Variants in RRP1B observed in about 807,000 individuals in gnomAD.
The protein encoded by RRP1B is ribosomal RNA processing protein 1 homolog B.
A neutral mutation model predicts 80.2 loss-of-function variants in RRP1B; 56 were observed. The ratio of observed to expected loss-of-function variants is 0.70; its 90% CI spans 0.56 to 0.87. The LOEUF (loss-of-function observed/expected upper bound fraction) is 0.87, where lower values mean the gene tolerates loss of function less well. Among genes scored for constraint, RRP1B ranks in the 40% least tolerant of loss-of-function variants. The pLI, the probability that RRP1B is intolerant of heterozygous loss-of-function variation, is 0.00. For missense variants in RRP1B, 807 were observed against 939.8 expected (o/e 0.86, Z 1.85); for synonymous variants, 351 against 357.6 (o/e 0.98, Z 0.21).
chr21:43,669,057 C>G (rs902486425), intron 1 of RRP1B, among the ~76,000 whole-genome samples: 1 of 151,980 alleles, frequency 6.6e-6, no homozygotes, highest in African/African-American at 2.4e-5. Flanking sequence ...CAAAGCCAAC[C>G]CTGGTGATGC....
chr21:43,681,930 A>G (rs923219237), intron 8 of RRP1B, among the ~76,000 whole-genome samples: 4 of 152,164 alleles, frequency 2.6e-5, no homozygotes, highest in African/African-American at 9.7e-5. Flanking sequence ...CGTCCTGGGC[A>G]ACAGAGCTAC....
Position 43,659,626 on chromosome 21 carries a change from A to G in RRP1B, c.-39A>G. The stretch of plus-strand genomic sequence containing the variant: ...GCAGCGCTCGGCTGGCTGCAGCGGC[A>G]CCGCGGGTTGCGCGGCCGGGGATGC... On this transcript the variant is annotated 5_prime_UTR_variant, in exon 1 of 16. Coordinates refer to ENST00000340648, the MANE Select transcript of RRP1B (RefSeq NM_015056.3). This position sits in a 1 kb window ranked among gnomAD's most constrained non-coding sequence, Gnocchi z 4.2. 7.0e-7 allele frequency: 1 copy of G among 1,437,268 alleles called. No homozygotes were observed. Among genetic ancestry groups the G allele is most frequent in the Non-Finnish European group, 9.1e-7 (1 of 1,093,784 alleles). 89.0% of individuals were successfully genotyped at this position (1,437,268 alleles called of 1,614,324 possible).
chr21:43,672,835 G>A (rs2083005271), intron 3 of RRP1B, among the ~76,000 whole-genome samples: 1 of 152,178 alleles, frequency 6.6e-6, no homozygotes, highest in Non-Finnish European at 1.5e-5. Context: ...AAAGGTAGCC[G>A]ACTTCGTTTG....
At chr21:43,660,940 A>G (rs567391057) in intron 1 of RRP1B, among the ~76,000 whole-genome samples, 1 of 152,370 alleles carries the variant, frequency 6.6e-6, no homozygotes, top group South Asian at 2.1e-4. Context: ...TATGAACTAC[A>G]ATGTGTAATA....
At position 43,676,781 on chromosome 21, in the gene RRP1B, A is replaced by G. The variant is rs756378701; in HGVS notation, c.663A>G (p.Val221=). The change falls in exon 8 of 16, where the codon GTA becomes GTG. Residue 221 remains valine (V), a synonymous_variant. Coordinates refer to ENST00000340648, the MANE Select transcript of RRP1B (RefSeq NM_015056.3). ...TIARGVFEAI[V]DQSPFVPEET... ...CTCGGGGTGTCTTCGAAGCTATCGTAGATCAGTCTCCTTTTGTGCCTGAAG... is the reference window on the plus strand; with the variant it reads ...CTCGGGGTGTCTTCGAAGCTATCGTGGATCAGTCTCCTTTTGTGCCTGAAG... 1 of 1,614,272 alleles carries G rather than the reference A, an allele frequency of 6.2e-7. No homozygotes were observed. The highest frequency in any genetic ancestry group is 8.5e-7 in the Non-Finnish European group (1 of 1,180,056).
intron 1 of RRP1B, among the ~76,000 whole-genome samples, chr21:43,666,035 A>G (rs1035597221): frequency 1.3e-5 from 2 of 152,094 alleles, no homozygotes; most frequent in African/African-American, 4.8e-5. Flanking sequence ...GGGCAGCTAC[A>G]TTGGGATTTC....
chr21:43,662,431 T>C (rs1373261442), intron 1 of RRP1B, among the ~76,000 whole-genome samples: 1 of 152,230 alleles, frequency 6.6e-6, no homozygotes, highest in Non-Finnish European at 1.5e-5. Context: ...CCACCACAGC[T>C]ATGCCCCATC....
At chr21:43,676,147 C>T in intron 6 of RRP1B, 125 bp from the exon 7 acceptor site, 1 of 672,754 alleles carries the variant, frequency 1.5e-6, no homozygotes, top group Non-Finnish European at 2.5e-6. Context: ...CGCTTTGGGG[C>T]TGTGTGAGAC....
Position 43,667,714 on chromosome 21 carries a change from C to T in RRP1B, c.131-2170C>T, listed in dbSNP as rs541543587. Among the ~76,000 whole-genome samples, 28 of 152,280 alleles carry T rather than the reference C, an allele frequency of 1.8e-4. No homozygotes were observed. The South Asian group carries it at 5.4e-3, about 29-fold the overall frequency. On this transcript the variant is annotated intron_variant, in intron 1 of 15. Transcript: ENST00000340648. ...ACTGCAATCATGACCGCAGTTGGCTCAGCTCTAGTGGGGTTTATTACTCAT... is the reference window on the plus strand; with the variant it reads ...ACTGCAATCATGACCGCAGTTGGCTTAGCTCTAGTGGGGTTTATTACTCAT...
At chr21:43,666,735 T>C (rs937288125) in intron 1 of RRP1B, among the ~76,000 whole-genome samples, 2 of 142,592 alleles carry the variant, frequency 1.4e-5, no homozygotes, top group African/African-American at 2.6e-5. Flanking sequence ...AAAAAAAAAA[T>C]CCTTAATAGC....
Position 43,659,603 on chromosome 21 carries a change from A to T in RRP1B, c.-62A>T. On this transcript the variant is annotated 5_prime_UTR_variant, in exon 1 of 16. Coordinates refer to ENST00000340648, the MANE Select transcript of RRP1B (RefSeq NM_015056.3). This position sits in a 1 kb window ranked among gnomAD's most constrained non-coding sequence, Gnocchi z 4.2. ...GGCGGACGGTGGCTGGCTGCTCCGCAGCGCTCGGCTGGCTGCAGCGGCACC... is the reference window on the plus strand; with the variant it reads ...GGCGGACGGTGGCTGGCTGCTCCGCTGCGCTCGGCTGGCTGCAGCGGCACC... 1 of 1,345,450 alleles carries T rather than the reference A, an allele frequency of 7.4e-7. No homozygotes were observed. The highest frequency in any genetic ancestry group is 9.5e-7 in the Non-Finnish European group (1 of 1,049,916). 83.3% of individuals were successfully genotyped at this position (1,345,450 alleles called of 1,614,324 possible). A position where few individuals can be genotyped will look rare whatever the true frequency, so the allele number is the denominator to read the frequency against.
At chr21:43,687,387 G>A (rs1159789145) in intron 12 of RRP1B, 129 bp from the exon 13 acceptor site, 2 of 1,100,702 alleles carry the variant, frequency 1.8e-6, no homozygotes, top group East Asian at 4.9e-5. Flanking sequence ...TACCTCAAGG[G>A]AGACAGGAAC....
chr21:43,681,110 G>A (rs367796055), intron 8 of RRP1B, among the ~76,000 whole-genome samples: 23 of 151,908 alleles, frequency 1.5e-4, no homozygotes, highest in African/African-American at 5.6e-4. Flanking sequence ...GTATGGTGGC[G>A]GTCGCCTATA....
At chr21:43,666,565 A>G (rs964907339) in intron 1 of RRP1B, among the ~76,000 whole-genome samples, 2 of 152,056 alleles carry the variant, frequency 1.3e-5, no homozygotes, top group Admixed American at 1.3e-4. Flanking sequence ...AAAAACTACA[A>G]AACTTAGCTG....
At chr21:43,676,943 T>C (rs1203416733) in intron 8 of RRP1B, 29 bp downstream of exon 8, 3 of 1,600,822 alleles carry the variant, frequency 1.9e-6, no homozygotes, top group Non-Finnish European at 2.6e-6. Context: ...TCAGTGTAGC[T>C]TTCTTTCTGC....
At chr21:43,683,904 G>A (rs189098502) in intron 9 of RRP1B, among the ~76,000 whole-genome samples, 143 of 150,174 alleles carry the variant, frequency 9.5e-4, no homozygotes, top group African/African-American at 2.0e-3. Context: ...ATTTGAACCC[G>A]GGAGGTGGAG....
rs552169669 is a variant in RRP1B, at chr21:43,670,471, T to A, written c.213+505T>A. Among the ~76,000 whole-genome samples the A allele has an allele frequency of 2.6e-5, 4 of 152,372 alleles. No individual in the cohort carries two copies. In the East Asian group the frequency reaches 7.7e-4, roughly 29 times the overall value. The stretch of plus-strand genomic sequence containing the variant: ...AGGCTCGGTCTCTCTGTGCGGGGCC[T>A]GCTGAGCCCGCTAAGCCCACCACCA... On this transcript the variant is annotated intron_variant, in intron 2 of 15. Transcript: ENST00000340648.
intron 3 of RRP1B, among the ~76,000 whole-genome samples, chr21:43,673,516 C>T (rs1056145798): frequency 5.3e-5 from 8 of 151,726 alleles, no homozygotes; most frequent in Admixed American, 5.3e-4. Context: ...CACCTGTAAT[C>T]CCAGCTACTC....
chr21:43,690,576 C>T lies in RRP1B; in HGVS notation c.2019+136C>T, dbSNP rs1191899178. On this transcript the variant is annotated intron_variant, in intron 14 of 15. Transcript: ENST00000340648. ...GCCTGTCCACAGTGGACAGGTTCCACGGCCAGGGTAGCATAAGGTCTGAGT... is the reference window on the plus strand; with the variant it reads ...GCCTGTCCACAGTGGACAGGTTCCATGGCCAGGGTAGCATAAGGTCTGAGT... 12 of 947,726 alleles carry T rather than the reference C, an allele frequency of 1.3e-5. No homozygotes were observed. In the Admixed American group the frequency reaches 1.6e-4, roughly 13 times the overall value. 58.7% of individuals were successfully genotyped at this position (947,726 alleles called of 1,614,324 possible). A position where few individuals can be genotyped will look rare whatever the true frequency, so the allele number is the denominator to read the frequency against.
Sources: allele counts gnomAD v4.1 joint callset (sites outside exome capture counted in the v4.1 genomes callset), GRCh38; gene constraint gnomAD v4.1.1; non-coding constraint Gnocchi (gnomAD v3.1); transcripts MANE v1.5; gene names NCBI Gene and HGNC (gene_info 2026-07-23, HGNC 2026-07-21).